PTPRD: variants seen among roughly 807,000 people sequenced by gnomAD.
The protein encoded by PTPRD is receptor-type tyrosine-protein phosphatase delta.
In PTPRD, 34 loss-of-function variants were observed where a neutral mutation model predicts 214.5. The ratio of observed to expected loss-of-function variants is 0.16; its 90% CI spans 0.12 to 0.21. PTPRD has a LOEUF of 0.21. PTPRD is among the 10% of genes least tolerant of loss of function. The pLI is 1.00. For synonymous variants in PTPRD, 1,128 were observed against 845.7 expected (o/e 1.33, Z -5.79); for missense variants, 2,545 against 2,398.7 (o/e 1.06, Z -1.27).
At chr9:9,197,690 C>G (rs2099939424) in intron 9 of PTPRD, among the ~76,000 whole-genome samples, 1 of 152,204 alleles carries the variant, frequency 6.6e-6, no homozygotes, top group Non-Finnish European at 1.5e-5. Flanking sequence ...GGATTACAGG[C>G]ATGAGCCACC....
chr9:9,821,178 A>C (rs992317218), intron 5 of PTPRD, among the ~76,000 whole-genome samples: 1 of 152,122 alleles, frequency 6.6e-6, no homozygotes, highest in Admixed American at 6.5e-5. Flanking sequence ...CGTGGCTACT[A>C]TAAATGGTGT....
At chr9:10,298,740 C>A (rs1045693959) in intron 3 of PTPRD, among the ~76,000 whole-genome samples, 1 of 151,852 alleles carries the variant, frequency 6.6e-6, no homozygotes, top group Non-Finnish European at 1.5e-5. Context: ...GAAAGACATA[C>A]CATATCTAAC....
intron 11 of PTPRD, among the ~76,000 whole-genome samples, chr9:8,747,948 G>C (rs542989043): frequency 3.3e-5 from 5 of 152,228 alleles, no homozygotes; most frequent in South Asian, 2.1e-4. Context: ...GTCTCTTCCA[G>C]AATCGAAGCT....
intron 11 of PTPRD, among the ~76,000 whole-genome samples, chr9:8,787,633 A>T (rs1242145289): frequency 6.6e-6 from 1 of 152,186 alleles, no homozygotes; most frequent in Non-Finnish European, 1.5e-5. Flanking sequence ...GAAGGTAGAG[A>T]AACGGAGCAG....
intron 9 of PTPRD, among the ~76,000 whole-genome samples, chr9:9,208,020 C>CTTTTTTTGTTTTTTTTTTTTT (rs2099946009): frequency 1.9e-5 from 1 of 53,258 alleles, no homozygotes; most frequent in Non-Finnish European, 3.8e-5. Context: ...TATATATCTG[C>CTTTTTTTGTTTTTTTTTTTTT]TTTTTTTTTT....
chr9:9,234,715 G>T (rs1490859046), intron 9 of PTPRD, among the ~76,000 whole-genome samples: 2 of 152,148 alleles, frequency 1.3e-5, no homozygotes, highest in Admixed American at 6.6e-5. Context: ...TTTGCTAAAG[G>T]ATAGCAAGAA....
At chr9:8,755,680 T>C (rs1422049203) in intron 11 of PTPRD, among the ~76,000 whole-genome samples, 4 of 152,232 alleles carry the variant, frequency 2.6e-5, no homozygotes, top group African/African-American at 9.6e-5. Flanking sequence ...AATATAGCTT[T>C]TCTAGAAACA....
chr9:9,495,325 A>C (rs1246765369), intron 8 of PTPRD, among the ~76,000 whole-genome samples: 2 of 150,328 alleles, frequency 1.3e-5, no homozygotes, highest in South Asian at 4.2e-4. Flanking sequence ...AAAAAAAAAA[A>C]GCAACAACAA....
chr9:8,873,199 C>A (rs1587053076), intron 11 of PTPRD, among the ~76,000 whole-genome samples: 1 of 152,134 alleles, frequency 6.6e-6, no homozygotes, highest in East Asian at 1.9e-4. Flanking sequence ...GTACCCAGCT[C>A]TTCAAAGACA....
intron 2 of PTPRD, among the ~76,000 whole-genome samples, chr9:10,372,867 T>A (rs1161565542): frequency 6.6e-6 from 1 of 150,556 alleles, no homozygotes. Context: ...TTATTATTAT[T>A]GAGATGTAGT....
At chr9:9,120,473 T>G (rs776493882) in intron 10 of PTPRD, among the ~76,000 whole-genome samples, 1 of 152,192 alleles carries the variant, frequency 6.6e-6, no homozygotes, top group Admixed American at 6.5e-5. Flanking sequence ...ACGTGACATA[T>G]GGAGCTATGG....
At chr9:10,252,930 T>C (rs1177700397) in intron 3 of PTPRD, among the ~76,000 whole-genome samples, 3 of 151,906 alleles carry the variant, frequency 2.0e-5, no homozygotes, top group Non-Finnish European at 4.4e-5. Flanking sequence ...ATTACAGGTG[T>C]GCGCCACCAC....
intron 6 of PTPRD, among the ~76,000 whole-genome samples, chr9:9,757,079 A>C (rs1490512275): frequency 6.6e-6 from 1 of 152,218 alleles, no homozygotes; most frequent in East Asian, 1.9e-4. Context: ...TCTACTTAGT[A>C]TGACAGCAAA....
chr9:9,997,856 C>A (rs1416162526), intron 4 of PTPRD, among the ~76,000 whole-genome samples: 1 of 151,786 alleles, frequency 6.6e-6, no homozygotes, highest in African/African-American at 2.4e-5. Context: ...ATGGCCACCC[C>A]CAGATAGCTC....
At position 8,314,756 on chromosome 9, in the gene PTPRD, G is replaced by A. The variant is rs1053667576; in HGVS notation, c.*3118C>T. 3 of 231,988 alleles carry A rather than the reference G, an allele frequency of 1.3e-5. No homozygotes were observed. Among genetic ancestry groups the A allele is most frequent in the African/African-American group, 6.7e-5 (3 of 45,032 alleles). The allele number at this position is 231,988 out of a possible 1,614,324, so 14.4% of individuals were successfully genotyped here. On this transcript the variant is annotated 3_prime_UTR_variant, in exon 46 of 46. Transcript: ENST00000381196. The stretch of plus-strand genomic sequence containing the variant: ...TTTTCCCTTCCTGTTTCTATGTTGT[G>A]TTATTTACATACACACAAATGAATT...
At chr9:9,771,831 G>A (rs987818296) in intron 5 of PTPRD, among the ~76,000 whole-genome samples, 5 of 152,090 alleles carry the variant, frequency 3.3e-5, no homozygotes, top group Non-Finnish European at 7.4e-5. Context: ...AACCAGATGT[G>A]TTGTAAACAG....
chr9:8,902,471 T>G (rs1447360639), intron 11 of PTPRD, among the ~76,000 whole-genome samples: 1 of 151,876 alleles, frequency 6.6e-6, no homozygotes, highest in Non-Finnish European at 1.5e-5. Flanking sequence ...GCCTGCCAAG[T>G]AGCTAGGACT....
chr9:9,538,404 T>C (rs2076936882), intron 8 of PTPRD, among the ~76,000 whole-genome samples: 1 of 152,014 alleles, frequency 6.6e-6, no homozygotes. Context: ...TATATATGTA[T>C]ATATTTAGTA....
rs562778280 is a variant in PTPRD, at chr9:9,247,222, A to C, written c.-202-63859T>G. Among the ~76,000 whole-genome samples, 16 of 152,036 alleles carry C rather than the reference A, an allele frequency of 1.1e-4. No homozygotes were observed. In the South Asian group the frequency reaches 2.1e-3, roughly 20 times the overall value. On this transcript the variant is annotated intron_variant, in intron 9 of 45. Transcript: ENST00000381196. ...GGGTCCTTCCCTATACCTGGGAAGA[A>C]GGAAGGCCATACAGAGAGGTCAAGA...
Sources: allele counts gnomAD v4.1 joint callset (sites outside exome capture counted in the v4.1 genomes callset), GRCh38; gene constraint gnomAD v4.1.1; transcripts MANE v1.5; gene names NCBI Gene and HGNC (gene_info 2026-07-23, HGNC 2026-07-21).